The following PABPC4L variants were observed in gnomAD, a reference collection of about 807,000 sequenced individuals.
The protein encoded by PABPC4L is poly(A) binding protein cytoplasmic 4 like.
For synonymous variants in PABPC4L, 169 were observed against 164.1 expected, an observed-to-expected ratio of 1.03 and a Z score of -0.23; for missense variants, 452 against 451.4, an observed-to-expected ratio of 1.00 and a Z score of -0.01.
the PABPC4L span, among the ~76,000 whole-genome samples, chr4:133,997,600 T>C: frequency 6.6e-6 from 1 of 152,266 alleles, no homozygotes; most frequent in East Asian, 1.9e-4. Context: ...ATTCCCACTC[T>C]AGAAGCCATT....
chr4:134,112,327 G>A, the PABPC4L span, among the ~76,000 whole-genome samples: 5,259 of 151,876 alleles, frequency 0.035, 665 homozygotes, highest in East Asian at 0.44. Flanking sequence ...TCACATAATA[G>A]CTTCACCTTC....
chr4:134,028,275 C>A, the PABPC4L span, among the ~76,000 whole-genome samples: 1 of 151,854 alleles, frequency 6.6e-6, no homozygotes, highest in Non-Finnish European at 1.5e-5. Flanking sequence ...TGATGGAGAC[C>A]AAATACAGGC....
chr4:134,075,781 T>C, the PABPC4L span, among the ~76,000 whole-genome samples: 3 of 152,158 alleles, frequency 2.0e-5, no homozygotes, highest in African/African-American at 7.2e-5. Flanking sequence ...TACTTGACCA[T>C]GTAAAATTTT....
chr4:134,018,694 G>T, the PABPC4L span, among the ~76,000 whole-genome samples: 3 of 151,980 alleles, frequency 2.0e-5, no homozygotes, highest in Admixed American at 2.0e-4. Context: ...TACGTTCATT[G>T]AAATTTCATT....
chr4:134,036,637 T>C, the PABPC4L span, among the ~76,000 whole-genome samples: 3 of 152,106 alleles, frequency 2.0e-5, no homozygotes, highest in Non-Finnish European at 2.9e-5. Context: ...ATCCAGAATT[T>C]ATTTCTTAAA....
the PABPC4L span, among the ~76,000 whole-genome samples, chr4:134,089,878 G>C: frequency 6.6e-6 from 1 of 152,054 alleles, no homozygotes; most frequent in African/African-American, 2.4e-5. Flanking sequence ...TGTGCTGAAT[G>C]GTTGTAGGCA....
chr4:134,052,521 A>G, the PABPC4L span, among the ~76,000 whole-genome samples: 306 of 152,170 alleles, frequency 2.0e-3, 2 homozygotes, highest in Non-Finnish European at 3.7e-3. Context: ...GAATAAGAGG[A>G]TATCATTATG....
chr4:134,014,984 C>T, the PABPC4L span, among the ~76,000 whole-genome samples: 1 of 152,066 alleles, frequency 6.6e-6, no homozygotes, highest in Admixed American at 6.6e-5. Flanking sequence ...ACTATAGCTA[C>T]ATCTCATTGC....
the PABPC4L span, among the ~76,000 whole-genome samples, chr4:134,044,040 G>A: frequency 2.7e-5 from 4 of 150,802 alleles, no homozygotes; most frequent in Non-Finnish European, 4.4e-5. Context: ...GCAGGGGCAC[G>A]ATGGTGACTC....
the PABPC4L span, among the ~76,000 whole-genome samples, chr4:134,064,420 A>G: frequency 2.0e-5 from 3 of 152,090 alleles, no homozygotes; most frequent in Admixed American, 2.0e-4. Flanking sequence ...GATGGGGACC[A>G]CTTGGTTGAT....
chr4:134,119,381 C>G, the PABPC4L span, among the ~76,000 whole-genome samples: 5 of 151,568 alleles, frequency 3.3e-5, no homozygotes, highest in Admixed American at 3.3e-4. Context: ...CTTGCACATA[C>G]CTTATACATT....
At chr4:134,132,623 C>T in the PABPC4L span, among the ~76,000 whole-genome samples, 1 of 151,704 alleles carries the variant, frequency 6.6e-6, no homozygotes, top group Non-Finnish European at 1.5e-5. Flanking sequence ...GGAATGTAAA[C>T]TAGTACAACC....
chr4:134,025,505 G>C, the PABPC4L span, among the ~76,000 whole-genome samples: 1 of 151,970 alleles, frequency 6.6e-6, no homozygotes. Context: ...CCAGTGAATA[G>C]TTTATCTAAT....
the PABPC4L span, among the ~76,000 whole-genome samples, chr4:134,050,706 CA>C: frequency 0.3 from 24,908 of 82,696 alleles, 2,583 homozygotes; most frequent in Admixed American, 0.4. Flanking sequence ...CACCGTCTCC[CA>C]AAAAAAAAAA....
At chr4:134,085,344 A>G in the PABPC4L span, among the ~76,000 whole-genome samples, 1 of 152,170 alleles carries the variant, frequency 6.6e-6, no homozygotes, top group East Asian at 1.9e-4. Context: ...ATGTACATGT[A>G]CATAAAATAC....
chr4:134,001,026 G>A, the PABPC4L span, among the ~76,000 whole-genome samples: 2 of 151,886 alleles, frequency 1.3e-5, no homozygotes, highest in Admixed American at 6.6e-5. Context: ...TTACTTTGGT[G>A]AACCCTGACT....
chr4:134,124,927 A>T, the PABPC4L span, among the ~76,000 whole-genome samples: 4 of 152,212 alleles, frequency 2.6e-5, no homozygotes, highest in Admixed American at 1.3e-4. Context: ...ACAAAGCATT[A>T]AAGGCATTCC....
the PABPC4L span, among the ~76,000 whole-genome samples, chr4:134,165,780 A>G: frequency 6.6e-6 from 1 of 152,140 alleles, no homozygotes; most frequent in African/African-American, 2.4e-5. Flanking sequence ...CAATCCCTCT[A>G]CTGGGTATCT....
chr4:133,966,203 T>C, the PABPC4L span, among the ~76,000 whole-genome samples: 1 of 152,066 alleles, frequency 6.6e-6, no homozygotes, highest in Non-Finnish European at 1.5e-5. Flanking sequence ...ACGAACATTA[T>C]GAAAAAATGA....
Sources: gnomAD v4.1 joint callset for allele counts (sites outside exome capture counted in the v4.1 genomes callset) on GRCh38, gnomAD v4.1.1 for gene constraint, MANE v1.5 for transcripts, NCBI Gene and HGNC (gene_info 2026-07-23, HGNC 2026-07-21) for gene names.